The following FBLN7 variants were observed in gnomAD, a reference collection of about 807,000 sequenced individuals.
FBLN7 encodes the protein fibulin 7.
A neutral mutation model predicts 44.0 loss-of-function variants in FBLN7; 31 were observed. The observed-to-expected ratio is 0.70, with a 90% confidence interval of 0.53 to 0.95. FBLN7 has a LOEUF of 0.95. FBLN7 is among the 40% of genes least tolerant of loss of function. The probability of loss-of-function intolerance (pLI) is 0.00; values close to 1 mark genes in which losing one functional copy is unlikely to be tolerated. For missense variants in FBLN7, 573 were observed against 618.5 expected, an observed-to-expected ratio of 0.93 and a Z score of 0.78; for synonymous variants, 262 against 253.4, an observed-to-expected ratio of 1.03 and a Z score of -0.32.
At chr2:112,171,658 T>C (rs1294887296) in intron 3 of FBLN7, among the ~76,000 whole-genome samples, 1 of 152,212 alleles carries the variant, frequency 6.6e-6, no homozygotes, top group African/African-American at 2.4e-5. Flanking sequence ...TCTAAGCACA[T>C]ACACATACAT....
intron 1 of FBLN7, among the ~76,000 whole-genome samples, chr2:112,147,564 C>T (rs988649480): frequency 4.6e-5 from 7 of 152,188 alleles, no homozygotes; most frequent in African/African-American, 1.7e-4. Flanking sequence ...GGCTGCTTGT[C>T]CCTGGAGCCC....
At chr2:112,220,749 A>G in the FBLN7 span, among the ~76,000 whole-genome samples, 1 of 152,208 alleles carries the variant, frequency 6.6e-6, no homozygotes, top group Non-Finnish European at 1.5e-5. Flanking sequence ...TGAATCTGGG[A>G]GTCAGAGGTT....
chr2:112,182,875 G>A lies in FBLN7; in HGVS notation c.755G>A (p.Arg252His), dbSNP rs199894123. ...HACVNTPGSY[R>H]CTCPGGYRTL... ...TGCGTGAACACCCCGGGCTCTTACC[G>A]TTGCACCTGCCCCGGTGGATACCGA... The change falls in exon 6 of 8, where the codon CGT (arginine) becomes CAT (histidine). Residue 252 changes from arginine to histidine, a missense_variant. Arg to His is a conservative substitution (Grantham distance 29). Transcript: ENST00000331203. 3.3e-4 allele frequency: 538 copies of A among 1,613,048 alleles called. 8 individuals carry two copies. The South Asian group carries it at 4.9e-3, about 15-fold the overall frequency.
At chr2:112,174,879 T>C (rs1369733306) in intron 3 of FBLN7, among the ~76,000 whole-genome samples, 1 of 152,114 alleles carries the variant, frequency 6.6e-6, no homozygotes, top group East Asian at 1.9e-4. Context: ...CCAGCTAACA[T>C]GTGACCTCTA....
intron 2 of FBLN7, among the ~76,000 whole-genome samples, chr2:112,160,794 ACACACGCACG>A (rs1278277327): frequency 9.1e-4 from 126 of 138,604 alleles, no homozygotes; most frequent in African/African-American, 3.3e-3. Context: ...ACGCACACGC[ACACACGCACG>A]CACACACACG....
intron 1 of FBLN7, among the ~76,000 whole-genome samples, chr2:112,142,614 A>G (rs1459761410): frequency 2.6e-5 from 4 of 152,114 alleles, no homozygotes; most frequent in Admixed American, 2.6e-4. Flanking sequence ...AGGCCCATTG[A>G]CACAGCAACT....
chr2:112,202,172 A>G, the FBLN7 span, among the ~76,000 whole-genome samples: 1 of 152,070 alleles, frequency 6.6e-6, no homozygotes, highest in African/African-American at 2.4e-5. Context: ...AAAGGTCCCA[A>G]ATTCTTATGA....
At chr2:112,165,729 C>T (rs1007687852) in intron 3 of FBLN7, among the ~76,000 whole-genome samples, 1 of 152,194 alleles carries the variant, frequency 6.6e-6, no homozygotes, top group Non-Finnish European at 1.5e-5. Context: ...TTTCTGTCTG[C>T]ATTGGGACTT....
the FBLN7 span, among the ~76,000 whole-genome samples, chr2:112,205,307 A>G: frequency 6.6e-6 from 1 of 152,122 alleles, no homozygotes; most frequent in South Asian, 2.1e-4. Flanking sequence ...CAGAAAGCCA[A>G]TAACAAAATG....
chr2:112,182,111 C>T (rs1439970168), intron 5 of FBLN7: 5 of 546,484 alleles, frequency 9.1e-6, no homozygotes, highest in Non-Finnish European at 1.6e-5. Context: ...TATGCCCAAG[C>T]CACACGCGCT....
the FBLN7 span, among the ~76,000 whole-genome samples, chr2:112,237,777 G>T: frequency 1.3e-5 from 2 of 152,034 alleles, no homozygotes; most frequent in East Asian, 3.9e-4. Flanking sequence ...ATGTTGGCCA[G>T]GCTGGTCTCG....
At chr2:112,189,868 C>T (rs1445170883), downstream of FBLN7, 2 of 152,204 alleles carry the variant, frequency 1.3e-5, no homozygotes, top group Non-Finnish European at 2.9e-5. Flanking sequence ...ATGCCATTCA[C>T]ATCTAAAACA....
At chr2:112,166,161 C>T (rs1682147317) in intron 3 of FBLN7, among the ~76,000 whole-genome samples, 1 of 152,248 alleles carries the variant, frequency 6.6e-6, no homozygotes, top group Non-Finnish European at 1.5e-5. Flanking sequence ...AGCGATTCTC[C>T]TGCCTCAGCC....
At chr2:112,152,505 A>C (rs1681208359) in intron 1 of FBLN7, 1 of 152,218 alleles carries the variant, frequency 6.6e-6, no homozygotes, top group African/African-American at 2.4e-5. Flanking sequence ...GGGGTGGTTA[A>C]TTTTATGTGT....
At chr2:112,222,088 G>A in the FBLN7 span, among the ~76,000 whole-genome samples, 2 of 152,168 alleles carry the variant, frequency 1.3e-5, no homozygotes, top group South Asian at 4.2e-4. Flanking sequence ...TATAAGGTGG[G>A]ATCAGTTGAC....
chr2:112,182,750 T>A, intron 5 of FBLN7, 41 bp from the exon 6 acceptor site: 1 of 1,551,828 alleles, frequency 6.4e-7, no homozygotes, highest in Non-Finnish European at 8.7e-7. Context: ...CAACACTTGC[T>A]GCATGGCTCC....
chr2:112,173,764 C>T (rs780567208), intron 3 of FBLN7, among the ~76,000 whole-genome samples: 7 of 152,364 alleles, frequency 4.6e-5, no homozygotes, highest in South Asian at 2.1e-4. Context: ...GACATACGTG[C>T]GTGTGATGAC....
chr2:112,160,147 C>T (rs375841952), intron 2 of FBLN7, among the ~76,000 whole-genome samples: 225 of 152,232 alleles, frequency 1.5e-3, no homozygotes, highest in Non-Finnish European at 2.6e-3. Flanking sequence ...CCCGCCACCA[C>T]GCCCGGCTAA....
At chr2:112,193,795 A>G in the FBLN7 span, among the ~76,000 whole-genome samples, 2 of 152,176 alleles carry the variant, frequency 1.3e-5, no homozygotes, top group Non-Finnish European at 2.9e-5. Flanking sequence ...AGTGGTGTAA[A>G]GCTTTGGATG....
Sources: gnomAD v4.1 joint callset for allele counts (sites outside exome capture counted in the v4.1 genomes callset) on GRCh38, gnomAD v4.1.1 for gene constraint, MANE v1.5 for transcripts, NCBI Gene and HGNC (gene_info 2026-07-23, HGNC 2026-07-21) for gene names.